SIK3: variants seen among roughly 807,000 people sequenced by gnomAD.
SIK3 encodes the protein serine/threonine-protein kinase SIK3.
A neutral mutation model predicts 144.2 loss-of-function variants in SIK3; 28 were observed. The observed-to-expected ratio is 0.19, with a 90% CI of 0.14 to 0.27. SIK3 has a LOEUF of 0.27. SIK3 is among the 10% of genes least tolerant of loss of function. The pLI is 1.00. For missense variants in SIK3, 1,319 were observed against 1,776.0 expected (o/e 0.74, Z 4.62); for synonymous variants, 686 against 676.3 (o/e 1.01, Z -0.22).
intron 1 of SIK3, among the ~76,000 whole-genome samples, chr11:116,978,691 A>G (rs760933980): frequency 1.3e-5 from 2 of 151,924 alleles, no homozygotes; most frequent in African/African-American, 2.4e-5. Flanking sequence ...AATTTGTTGT[A>G]GGGAAAGGGT....
chr11:116,873,734 G>A (rs947794213), intron 12 of SIK3, 98 bp from the exon 13 acceptor site: 1 of 1,479,754 alleles, frequency 6.8e-7, no homozygotes, highest in Non-Finnish European at 9.1e-7. Flanking sequence ...GGAGCCATGG[G>A]TCATGACAGA....
At chr11:116,956,559 A>G (rs949003683) in intron 2 of SIK3, among the ~76,000 whole-genome samples, 1 of 152,196 alleles carries the variant, frequency 6.6e-6, no homozygotes, top group Non-Finnish European at 1.5e-5. Flanking sequence ...TATTAAAAAA[A>G]TGTTATATTC....
intron 1 of SIK3, among the ~76,000 whole-genome samples, chr11:117,026,197 C>G (rs2186844): frequency 6.6e-6 from 1 of 151,960 alleles, no homozygotes; most frequent in Non-Finnish European, 1.5e-5. Context: ...AATACTTAAC[C>G]GTTGGGTCAC....
At chr11:116,847,808 G>C (rs530660223) in intron 22 of SIK3, among the ~76,000 whole-genome samples, 200 bp from the exon 23 acceptor site, 32 of 152,164 alleles carry the variant, frequency 2.1e-4, no homozygotes, top group Non-Finnish European at 3.7e-4. Flanking sequence ...GCCCAGTGGG[G>C]GGGCTGAGGG....
At chr11:116,852,758 T>C (rs1462870381) in intron 21 of SIK3, among the ~76,000 whole-genome samples, 2 of 152,172 alleles carry the variant, frequency 1.3e-5, no homozygotes, top group Admixed American at 1.3e-4. Flanking sequence ...TGAGGGACAA[T>C]ATACCCATAT....
chr11:116,875,822 T>C, intron 9 of SIK3, 44 bp downstream of exon 9: 3 of 1,561,006 alleles, frequency 1.9e-6, no homozygotes, highest in Non-Finnish European at 2.6e-6. Context: ...TTTACCCCCC[T>C]GGTGTTACTT....
At chr11:117,044,686 C>T (rs953953623) in intron 1 of SIK3, among the ~76,000 whole-genome samples, 9 of 151,622 alleles carry the variant, frequency 5.9e-5, no homozygotes, top group African/African-American at 2.2e-4. Context: ...AATCATCAGC[C>T]TTTGGGCAAC....
At chr11:116,916,994 G>A (rs368523622) in intron 4 of SIK3, among the ~76,000 whole-genome samples, 9 of 151,212 alleles carry the variant, frequency 6.0e-5, no homozygotes, top group Non-Finnish European at 1.3e-4. Flanking sequence ...TCGCTCTGTC[G>A]CCTAGGCTAG....
In SIK3 at chr11:116,849,129, G is replaced by A. The variant is rs565005503; in HGVS notation, c.3810C>T (p.Asp1270=). Residue 1270 remains aspartate, a synonymous_variant, in exon 22 of 25, where the codon GAC becomes GAT. Coordinates refer to ENST00000445177, the MANE Select transcript of SIK3 (RefSeq NM_001366686.3). The surrounding 1 kb of genome is among the most constrained non-coding windows in gnomAD (Gnocchi z 4.2). ...LQRHHTIQNS[D]DAYVQLDNLP... is the part of the protein sequence containing the mutation. ...GGTGGGACCAACATACATAAGCATC[G>A]TCGCTGTTCTGGATCGTGTGGTGTC... 2.4e-5 allele frequency: 39 copies of A among 1,595,082 alleles called. No homozygotes were observed. The highest frequency in any genetic ancestry group is 2.4e-4 in the South Asian group (21 of 89,206).
intron 1 of SIK3, among the ~76,000 whole-genome samples, chr11:117,009,873 T>C (rs1359393428): frequency 6.6e-6 from 1 of 152,244 alleles, no homozygotes; most frequent in East Asian, 1.9e-4. Flanking sequence ...TAAGGTACTA[T>C]TCTTGTTTAC....
At chr11:116,874,121 A>G in intron 11 of SIK3, 65 bp from the exon 12 acceptor site, 3 of 1,496,658 alleles carry the variant, frequency 2.0e-6, no homozygotes, top group Non-Finnish European at 2.8e-6. Context: ...CTTATATCCC[A>G]AAACTGATGG....
intron 4 of SIK3, among the ~76,000 whole-genome samples, chr11:116,915,124 ATGTGTGTGTGTGTGTGTGTG>A (rs35059138): frequency 7.7e-6 from 1 of 129,928 alleles, no homozygotes; most frequent in Non-Finnish European, 1.6e-5. Context: ...GAAGCCATAT[ATGTGTGTGTGTGTGTGTGTG>A]TGTGTGTGTG....
intron 1 of SIK3, among the ~76,000 whole-genome samples, chr11:117,082,129 G>T (rs1315733384): frequency 6.6e-6 from 1 of 152,088 alleles, no homozygotes; most frequent in Non-Finnish European, 1.5e-5. Flanking sequence ...TCAAAAAAAA[G>T]AAAATAAGTT....
chr11:116,861,346 G>A lies in SIK3; in HGVS notation c.2353C>T (p.Pro785Ser), dbSNP rs1470460908. The A allele has an allele frequency of 1.3e-6, 2 of 1,595,948 alleles. No individual in the cohort carries two copies. Among genetic ancestry groups the A allele is most frequent in the African/African-American group, 1.4e-5 (1 of 73,282 alleles). Residue 785 changes from proline (P) to serine (S), a missense_variant, in exon 19 of 25, where the codon CCC (proline) becomes TCC (serine). Pro to Ser is a moderately conservative substitution (Grantham distance 74, BLOSUM62 -1). Transcript: ENST00000445177. Reference sequence around the variant, plus strand: ...GGCTGCCTGAAGAGATGGTTGTTGGGGTGGTTGGGGGGTGGGCTTGAAGGC... The same window carrying A: ...GGCTGCCTGAAGAGATGGTTGTTGGAGTGGTTGGGGGGTGGGCTTGAAGGC... ...IQPSSPPPNH[P>S]NNHLFRQPSN...
At position 116,859,273 on chromosome 11, in the gene SIK3, C is replaced by A. The variant is rs772029832; in HGVS notation, c.2757G>T (p.Glu919Asp). 1.9e-6 allele frequency: 3 copies of A among 1,606,150 alleles called. No individual in the cohort carries two copies. In the African/African-American group the frequency reaches 4.0e-5, roughly 21 times the overall value. ...ACGTTAGGCGGTCTTACCTGTGAGC[C>A]TCTGCACTGTCAGCACTCAGCTGCT... Reference protein sequence around the residue: ...LSKQLSADSAEAHSLNVNRFS... With the variant: ...LSKQLSADSADAHSLNVNRFS... Residue 919 changes from glutamate (E) to aspartate (D), a missense_variant, in exon 20 of 25, where the codon GAG (glutamate) becomes GAT (aspartate). Physicochemically the swap from Glu to Asp is conservative, Grantham distance 45. Transcript: ENST00000445177.
intron 3 of SIK3, among the ~76,000 whole-genome samples, chr11:116,947,531 A>ATATATGTATGTATG (rs1555107761): frequency 3.2e-5 from 4 of 125,022 alleles, no homozygotes; most frequent in African/African-American, 1.2e-4. Context: ...ATATATATAT[A>ATATATGTATGTATG]TATGTATGTA....
At chr11:117,021,948 A>AAAAAAAAAAAAAAC (rs1951791256) in intron 1 of SIK3, among the ~76,000 whole-genome samples, 2 of 127,946 alleles carry the variant, frequency 1.6e-5, no homozygotes, top group African/African-American at 6.8e-5. Flanking sequence ...AAAAAAAAAA[A>AAAAAAAAAAAAAAC]AAAAAAAAAA....
chr11:116,989,674 AT>A (rs774790769), intron 1 of SIK3, among the ~76,000 whole-genome samples: 13 of 152,118 alleles, frequency 8.5e-5, no homozygotes, highest in Non-Finnish European at 1.8e-4. Flanking sequence ...GTGAGTTCCT[AT>A]TACTGTGAGT....
chr11:116,870,006 G>T, intron 14 of SIK3: 2 of 858,910 alleles, frequency 2.3e-6, no homozygotes, highest in Non-Finnish European at 3.3e-6. Flanking sequence ...TTCTTGGCAG[G>T]TACGAGCAGG....
Sources: allele counts gnomAD v4.1 joint callset (sites outside exome capture counted in the v4.1 genomes callset), GRCh38; gene constraint gnomAD v4.1.1; non-coding constraint Gnocchi (gnomAD v3.1); transcripts MANE v1.5; gene names NCBI Gene and HGNC (gene_info 2026-07-23, HGNC 2026-07-21).